Variants in GHR observed in about 807,000 individuals in gnomAD.
GHR encodes the protein GH receptor.
A neutral mutation model predicts 67.1 loss-of-function variants in GHR; 35 were observed. The observed-to-expected ratio is 0.52, with a 90% confidence interval of 0.40 to 0.69. The LOEUF (loss-of-function observed/expected upper bound fraction) is 0.69. GHR is among the 30% of genes least tolerant of loss of function. The pLI is 0.00. For synonymous variants in GHR, 272 were observed against 269.1 expected (o/e 1.01, Z -0.10); for missense variants, 792 against 764.6 (o/e 1.04, Z -0.42).
chr5:42,668,576 T>C lies in GHR; in HGVS notation c.137-20314T>C, dbSNP rs72754966. Among the ~76,000 whole-genome samples, 794 of 152,206 alleles carry C rather than the reference T, an allele frequency of 5.2e-3. 2 individuals carry two copies. Among genetic ancestry groups the C allele is most frequent in the Non-Finnish European group, 9.3e-3 (630 of 68,014 alleles). On this transcript the variant is annotated intron_variant, in intron 3 of 9. Coordinates refer to ENST00000230882, the MANE Select transcript of GHR (RefSeq NM_000163.5). ...ACACAGCTGTCTTACCGCACTAATA[T>C]AGACCTGAAAAAAATAAAAAATTAA...
intron 1 of GHR, among the ~76,000 whole-genome samples, chr5:42,441,913 A>G (rs1357958374): frequency 1.3e-5 from 2 of 152,158 alleles, no homozygotes. Flanking sequence ...CAGAGGGTGG[A>G]TAAATAATCA....
chr5:42,535,083 GA>G (rs1748198467), intron 1 of GHR, among the ~76,000 whole-genome samples: 1 of 151,988 alleles, frequency 6.6e-6, no homozygotes, highest in African/African-American at 2.4e-5. Context: ...TATAGATTGT[GA>G]AGATTTTTCT....
intron 2 of GHR, among the ~76,000 whole-genome samples, chr5:42,591,529 A>G (rs1751776057): frequency 6.6e-6 from 1 of 152,222 alleles, no homozygotes; most frequent in Admixed American, 6.5e-5. Flanking sequence ...GGGGAAATCT[A>G]TCAACGACTG....
At chr5:42,698,350 A>G (rs1205672734) in intron 5 of GHR, among the ~76,000 whole-genome samples, 2 of 152,184 alleles carry the variant, frequency 1.3e-5, no homozygotes, top group Admixed American at 1.3e-4. Flanking sequence ...TGAGTTATAG[A>G]AAATCTTCCA....
chr5:42,474,209 AAG>A lies in GHR; in HGVS notation c.-12+50268_-12+50269del, dbSNP rs775736490. On this transcript the variant is annotated intron_variant, in intron 1 of 9. Coordinates refer to ENST00000230882, the MANE Select transcript of GHR (RefSeq NM_000163.5). ...GTCTCTGAAAGAGAGAGAGAGATGA[AAG>A]AGAGAGAGAGAGAAAGAAAAAGAAA... Among the ~76,000 whole-genome samples the A allele has an allele frequency of 6.7e-5, 10 of 150,234 alleles. No individual in the cohort carries two copies. In the East Asian group the frequency reaches 9.7e-4, roughly 15 times the overall value.
In GHR at chr5:42,587,682, TG is replaced by T. The variant is rs200673420; in HGVS notation, c.70+21739del. On this transcript the variant is annotated intron_variant, in intron 2 of 9. Coordinates refer to ENST00000230882, the MANE Select transcript of GHR (RefSeq NM_000163.5). The stretch of plus-strand genomic sequence containing the variant: ...TTTGGGGTTTTTTTTGTTTTTTTTT[TG>T]TTTTTTTAAGAAACAGAGACTTGAC... Among the ~76,000 whole-genome samples the T allele has an allele frequency of 1.1e-4, 16 of 152,054 alleles. 1 individual carries two copies. Among genetic ancestry groups the T allele is most frequent in the Admixed American group, 3.9e-4 (6 of 15,274 alleles).
At chr5:42,459,880 G>C (rs1446834461) in intron 1 of GHR, among the ~76,000 whole-genome samples, 1 of 152,168 alleles carries the variant, frequency 6.6e-6, no homozygotes, top group African/African-American at 2.4e-5. Flanking sequence ...TGGGGCTTTA[G>C]ACACCATGGT....
At chr5:42,501,626 C>T (rs1356784892) in intron 1 of GHR, among the ~76,000 whole-genome samples, 1 of 152,150 alleles carries the variant, frequency 6.6e-6, no homozygotes, top group Non-Finnish European at 1.5e-5. Flanking sequence ...CTGGTCTCTA[C>T]CCACTAGATG....
At position 42,450,744 on chromosome 5, in the gene GHR, T is replaced by C. The variant is rs140193243; in HGVS notation, c.-12+26789T>C. ...CCTTAGATTGTCTATTTGTGCTCTT[T>C]CAGACTTTTTGATTTAGGCATTTAA... On this transcript the variant is annotated intron_variant, in intron 1 of 9. Coordinates refer to ENST00000230882, the MANE Select transcript of GHR (RefSeq NM_000163.5). 7.0e-3 allele frequency among the ~76,000 whole-genome samples: 1,070 copies of C among 152,252 alleles called. 8 individuals are homozygous for C. Among genetic ancestry groups the C allele is most frequent in the Non-Finnish European group, 0.01 (682 of 68,014 alleles).
chr5:42,661,302 T>G (rs1170038158), intron 3 of GHR, among the ~76,000 whole-genome samples: 7 of 152,086 alleles, frequency 4.6e-5, no homozygotes, highest in Non-Finnish European at 5.9e-5. Flanking sequence ...CACATAATTG[T>G]CAGATTCACC....
At chr5:42,620,448 C>A (rs903225583) in intron 2 of GHR, among the ~76,000 whole-genome samples, 5 of 152,060 alleles carry the variant, frequency 3.3e-5, no homozygotes, top group Non-Finnish European at 5.9e-5. Context: ...ATTCATTGGG[C>A]AGTTAGATAA....
chr5:42,446,453 G>C (rs1233533797), intron 1 of GHR, among the ~76,000 whole-genome samples: 1 of 152,194 alleles, frequency 6.6e-6, no homozygotes, highest in Non-Finnish European at 1.5e-5. Context: ...GCAGGTGAAG[G>C]GAAAAGTAGG....
At chr5:42,537,695 AATCC>A (rs1367694380) in intron 1 of GHR, among the ~76,000 whole-genome samples, 28 of 152,092 alleles carry the variant, frequency 1.8e-4, no homozygotes, top group African/African-American at 6.5e-4. Flanking sequence ...GTACAGTTTA[AATCC>A]ATTGTTTCTT....
At chr5:42,512,074 C>T (rs886134567) in intron 1 of GHR, among the ~76,000 whole-genome samples, 5 of 152,118 alleles carry the variant, frequency 3.3e-5, no homozygotes, top group Admixed American at 6.5e-5. Flanking sequence ...TTACCCCCTA[C>T]CAATCCCTGT....
chr5:42,699,453 A>G (rs1251579909), intron 5 of GHR, among the ~76,000 whole-genome samples: 1 of 152,174 alleles, frequency 6.6e-6, no homozygotes, highest in African/African-American at 2.4e-5. Flanking sequence ...TAAATTCTGT[A>G]AGTCTTTCTG....
intron 3 of GHR, among the ~76,000 whole-genome samples, chr5:42,665,003 A>G (rs1239980580): frequency 1.3e-5 from 2 of 152,266 alleles, no homozygotes; most frequent in Non-Finnish European, 2.9e-5. Flanking sequence ...AATGCTCACC[A>G]TCACTGGCTA....
chr5:42,690,181 C>T (rs1280095923), intron 4 of GHR, among the ~76,000 whole-genome samples: 1 of 152,200 alleles, frequency 6.6e-6, no homozygotes, highest in Non-Finnish European at 1.5e-5. Context: ...CAGAGGATGA[C>T]ATTGTCTATC....
intron 1 of GHR, chr5:42,467,115 C>T (rs1385240175): frequency 1.9e-6 from 3 of 1,596,024 alleles, no homozygotes; most frequent in Non-Finnish European, 2.6e-6. Context: ...TGAAGGCCTT[C>T]CCACATTCAT....
intron 2 of GHR, among the ~76,000 whole-genome samples, chr5:42,588,468 G>A (rs529792896): frequency 5.1e-5 from 7 of 136,512 alleles, no homozygotes; most frequent in Non-Finnish European, 1.1e-4. Flanking sequence ...TGCTGTGAGC[G>A]AGATCGCGCC....
Sources: gnomAD v4.1 joint callset for allele counts (sites outside exome capture counted in the v4.1 genomes callset) on GRCh38, gnomAD v4.1.1 for gene constraint, MANE v1.5 for transcripts, NCBI Gene and HGNC (gene_info 2026-07-23, HGNC 2026-07-21) for gene names.